DLGAP2: variants seen among roughly 807,000 people sequenced by gnomAD.
The protein encoded by DLGAP2 is disks large-associated protein 2.
DLGAP2 carries 26 observed loss-of-function variants against 100.3 expected under a neutral mutation model. That is an observed-to-expected ratio of 0.26 (90% CI 0.19 to 0.36). DLGAP2 has a LOEUF of 0.36. Among genes scored for constraint, DLGAP2 ranks in the 10% least tolerant of loss-of-function variants. DLGAP2 has a pLI of 1.00. For missense variants in DLGAP2, 1,858 were observed against 1,453.2 expected (o/e 1.28, Z -4.53); for synonymous variants, 886 against 630.1 (o/e 1.41, Z -6.08).
Position 1,501,421 on chromosome 8 carries a change from G to A in DLGAP2, c.162G>A (p.Glu54=), listed in dbSNP as rs1257376824. 3 of 1,535,794 alleles carry A rather than the reference G, an allele frequency of 2.0e-6. No homozygotes were observed. Among genetic ancestry groups the A allele is most frequent in the Admixed American group, 2.0e-5 (1 of 51,000 alleles). Residue 54 remains glutamate (E), a synonymous_variant, in exon 4 of 15, where the codon GAG becomes GAA. Coordinates refer to ENST00000637795, the MANE Select transcript of DLGAP2 (RefSeq NM_001346810.2). ...GCATCAGCTTTCCGGGGCCGGCAGA[G>A]GAGGATCTAGGTAGAGTACAGACGT... ...QPGISFPGPA[E]EDLDPQYSWS... is the part of the protein sequence containing the mutation.
intron 2 of DLGAP2, among the ~76,000 whole-genome samples, chr8:1,172,925 G>C (rs1246991300): frequency 6.6e-6 from 1 of 152,208 alleles, no homozygotes; most frequent in African/African-American, 2.4e-5. Context: ...TGCTGGTGAG[G>C]AACTGTGATG....
chr8:1,525,613 C>T (rs1171976342), intron 4 of DLGAP2, among the ~76,000 whole-genome samples: 1 of 152,204 alleles, frequency 6.6e-6, no homozygotes, highest in Non-Finnish European at 1.5e-5. Flanking sequence ...ATGTGCGAAT[C>T]GCAGAAAGAA....
At chr8:973,958 A>C (rs1450902878) in intron 2 of DLGAP2, among the ~76,000 whole-genome samples, 1 of 151,606 alleles carries the variant, frequency 6.6e-6, no homozygotes, top group Non-Finnish European at 1.5e-5. Flanking sequence ...GCGCGCGCAG[A>C]CCGGGCCACT....
chr8:1,310,227 CA>C (rs1241250161), intron 3 of DLGAP2, among the ~76,000 whole-genome samples: 1 of 151,514 alleles, frequency 6.6e-6, no homozygotes, highest in Admixed American at 6.6e-5. Flanking sequence ...CAGTTAACTC[CA>C]AAAAAATCCA....
intron 6 of DLGAP2, chr8:1,622,555 C>T (rs1044512414): frequency 2.0e-5 from 3 of 152,210 alleles, no homozygotes; most frequent in African/African-American, 7.2e-5. Context: ...AGGGCGAGAA[C>T]AAGGTTGAAC....
intron 2 of DLGAP2, among the ~76,000 whole-genome samples, chr8:1,033,570 AG>A (rs941428855): frequency 6.6e-6 from 1 of 152,196 alleles, no homozygotes; most frequent in Non-Finnish European, 1.5e-5. Flanking sequence ...AGGGGGGCCA[AG>A]GCAGGAGGAT....
intron 1 of DLGAP2, among the ~76,000 whole-genome samples, chr8:897,212 A>G (rs1239985753): frequency 6.6e-6 from 1 of 152,016 alleles, no homozygotes; most frequent in Non-Finnish European, 1.5e-5. Flanking sequence ...TCAATCCCTT[A>G]TTTCACAGGT....
intron 1 of DLGAP2, among the ~76,000 whole-genome samples, chr8:782,760 G>A (rs975007983): frequency 2.6e-5 from 4 of 152,052 alleles, no homozygotes; most frequent in African/African-American, 7.2e-5. Context: ...AGGGTTTGTT[G>A]TCTGCCAATC....
intron 3 of DLGAP2, among the ~76,000 whole-genome samples, chr8:1,329,460 C>T (rs558582130): frequency 3.9e-5 from 6 of 152,148 alleles, no homozygotes; most frequent in African/African-American, 1.4e-4. Context: ...TTTATGATTT[C>T]TGAAATTTTT....
chr8:1,049,129 G>C (rs1418259186), intron 2 of DLGAP2, among the ~76,000 whole-genome samples: 2 of 152,182 alleles, frequency 1.3e-5, no homozygotes, highest in African/African-American at 4.8e-5. Flanking sequence ...GGCGGGCACT[G>C]TCAATAATGT....
At chr8:913,870 C>A (rs965695303) in intron 2 of DLGAP2, among the ~76,000 whole-genome samples, 4 of 152,220 alleles carry the variant, frequency 2.6e-5, no homozygotes, top group African/African-American at 9.6e-5. Flanking sequence ...GGAACCCTGA[C>A]GTGGGAGCCG....
chr8:917,728 G>A (rs1798626181), intron 2 of DLGAP2, among the ~76,000 whole-genome samples: 3 of 152,238 alleles, frequency 2.0e-5, no homozygotes, highest in East Asian at 3.9e-4. Context: ...TTACAGGGGT[G>A]TGCCACCACG....
intron 2 of DLGAP2, among the ~76,000 whole-genome samples, chr8:974,998 G>C (rs996509570): frequency 6.6e-6 from 1 of 152,102 alleles, no homozygotes; most frequent in Non-Finnish European, 1.5e-5. Context: ...CCTCTGACCA[G>C]GCTAATGAAG....
intron 2 of DLGAP2, among the ~76,000 whole-genome samples, chr8:1,183,813 G>T (rs1797443154): frequency 6.6e-6 from 1 of 152,208 alleles, no homozygotes; most frequent in African/African-American, 2.4e-5. Context: ...AACACCCTTT[G>T]CAAGCCTTCA....
intron 3 of DLGAP2, among the ~76,000 whole-genome samples, chr8:1,435,609 G>T (rs149966720): frequency 6.6e-6 from 1 of 151,942 alleles, no homozygotes; most frequent in African/African-American, 2.4e-5. Context: ...GATACTGTAC[G>T]TTTCATTATT....
chr8:1,626,822 C>T lies in DLGAP2; in HGVS notation c.1525C>T (p.Arg509Cys), dbSNP rs747744035. ...PAANYNSPKFRSRNQSYMRAV... is the reference protein window; with the variant it reads ...PAANYNSPKFCSRNQSYMRAV... Reference sequence around the variant, plus strand: ...TGCGAACTACAACTCCCCGAAATTCCGCTCCCGGAACCAGAGCTACATGAG... The same window carrying T: ...TGCGAACTACAACTCCCCGAAATTCTGCTCCCGGAACCAGAGCTACATGAG... The change falls in exon 7 of 15, where the codon CGC (arginine) becomes TGC (cysteine). Residue 509 changes from arginine to cysteine, a missense_variant. Arg to Cys is a radical substitution (Grantham distance 180). Coordinates refer to ENST00000637795, the MANE Select transcript of DLGAP2 (RefSeq NM_001346810.2). The T allele has an allele frequency of 8.1e-6, 13 of 1,605,840 alleles. No individual in the cohort carries two copies. Among genetic ancestry groups the T allele is most frequent in the Admixed American group, 6.7e-5 (4 of 59,294 alleles).
At chr8:1,491,044 AT>A (rs1474687142) in intron 3 of DLGAP2, among the ~76,000 whole-genome samples, 5 of 106,472 alleles carry the variant, frequency 4.7e-5, no homozygotes, top group East Asian at 5.0e-4. Context: ...ATTTAAAAAA[AT>A]AAAATAAAAT....
rs374051845 is a variant in DLGAP2 at position 981,925 on chromosome 8, C to G, written c.73+73959C>G. On this transcript the variant is annotated intron_variant, in intron 2 of 14. Coordinates refer to ENST00000637795, the MANE Select transcript of DLGAP2 (RefSeq NM_001346810.2). ...ATGGGAATCCAGTGCATCTCCGTGC[C>G]TGCGGGTCTTCCTTGTTTTCTGCTG... Among the ~76,000 whole-genome samples the G allele has an allele frequency of 6.5e-4, 99 of 152,360 alleles. 1 individual carries two copies. In the South Asian group the frequency reaches 0.018, roughly 28 times the overall value.
intron 2 of DLGAP2, among the ~76,000 whole-genome samples, chr8:1,111,153 C>T (rs891904948): frequency 6.6e-6 from 1 of 152,182 alleles, no homozygotes; most frequent in Non-Finnish European, 1.5e-5. Context: ...GCTGGAAATG[C>T]AAAGATGGCC....
Sources: gnomAD v4.1 joint callset for allele counts (sites outside exome capture counted in the v4.1 genomes callset) on GRCh38, gnomAD v4.1.1 for gene constraint, MANE v1.5 for transcripts, NCBI Gene and HGNC (gene_info 2026-07-23, HGNC 2026-07-21) for gene names.